METTL8: variants seen among roughly 807,000 people sequenced by gnomAD.
The protein encoded by METTL8 is methyltransferase 8, tRNA N3-cytidine, also known as tRNA N(3)-cytidine methyltransferase METTL8, mitochondrial.
In METTL8, 32 loss-of-function variants were observed where a neutral mutation model predicts 48.7. The observed-to-expected ratio is 0.66, with a 90% CI of 0.50 to 0.88. The LOEUF is 0.88. Among genes scored for constraint, METTL8 ranks in the 40% least tolerant of loss-of-function variants. The probability of loss-of-function intolerance (pLI) is 0.00; values close to 1 mark genes in which losing one functional copy is unlikely to be tolerated. For missense variants in METTL8, 464 were observed against 474.4 expected, an observed-to-expected ratio of 0.98 and a Z score of 0.20; for synonymous variants, 136 against 157.1, an observed-to-expected ratio of 0.87 and a Z score of 1.01.
chr2:171,318,249 A>G lies in METTL8; in HGVS notation c.*5923T>C, dbSNP rs574834132. The G allele has an allele frequency of 3.9e-5, 6 of 152,346 alleles. No homozygotes were observed. In the East Asian group the frequency reaches 1.2e-3, roughly 29 times the overall value. 9.4% of individuals were successfully genotyped at this position (152,346 alleles called of 1,614,324 possible). A position where few individuals can be genotyped will look rare whatever the true frequency, so the allele number is the denominator to read the frequency against. ...GTACCTTTGCGCCTCTCAAATCCCC[A>G]ACCATATTCCAAGAAACCGTATTCC... On this transcript the variant is annotated 3_prime_UTR_variant, in exon 10 of 10. Coordinates refer to ENST00000375258, the MANE Select transcript of METTL8 (RefSeq NM_001321154.2).
intron 3 of METTL8, among the ~76,000 whole-genome samples, chr2:171,354,752 G>A (rs953505700): frequency 1.3e-5 from 2 of 151,932 alleles, no homozygotes; most frequent in Admixed American, 6.6e-5. Context: ...TGATCAAATC[G>A]GCTACTGAAG....
At chr2:171,350,001 T>C (rs992400270) in intron 3 of METTL8, among the ~76,000 whole-genome samples, 1 of 152,176 alleles carries the variant, frequency 6.6e-6, no homozygotes, top group East Asian at 1.9e-4. Flanking sequence ...CTAAGGTACA[T>C]GTGCACAACA....
intron 1 of METTL8, among the ~76,000 whole-genome samples, chr2:171,422,983 T>C (rs1481486591): frequency 2.0e-5 from 3 of 152,192 alleles, no homozygotes; most frequent in Admixed American, 6.5e-5. Context: ...TCTCCACATG[T>C]TGTGGGAGGG....
At chr2:171,325,665 T>C (rs1684874277) in intron 9 of METTL8, among the ~76,000 whole-genome samples, 176 bp downstream of exon 9, 1 of 152,160 alleles carries the variant, frequency 6.6e-6, no homozygotes, top group Admixed American at 6.5e-5. Flanking sequence ...GATTAAACAG[T>C]AAACGGCCAT....
In METTL8 at chr2:171,322,044, C is replaced by G. The variant is rs1016981029; in HGVS notation, c.*2128G>C. 5 of 150,986 alleles carry G rather than the reference C, an allele frequency of 3.3e-5. No individual in the cohort carries two copies. The highest frequency in any genetic ancestry group is 1.2e-4 in the African/African-American group (5 of 41,052). 9.4% of individuals were successfully genotyped at this position (150,986 alleles called of 1,614,324 possible). A position where few individuals can be genotyped will look rare whatever the true frequency, so the allele number is the denominator to read the frequency against. On this transcript the variant is annotated 3_prime_UTR_variant, in exon 10 of 10. Coordinates refer to ENST00000375258, the MANE Select transcript of METTL8 (RefSeq NM_001321154.2). ...GTGGTGTCATCTCGGCTCACTGCAA[C>G]CTCTGCCTCCCGGGTTCAAGTGATT... is the stretch of plus-strand genomic sequence containing the variant.
chr2:171,340,498 C>CA (rs760579218), intron 3 of METTL8, among the ~76,000 whole-genome samples: 3,227 of 42,318 alleles, frequency 0.076, 184 homozygotes, highest in African/African-American at 0.096. Context: ...TGAGTTGTCT[C>CA]AAAAAAAAAA....
intron 1 of METTL8, among the ~76,000 whole-genome samples, chr2:171,404,052 CAT>C (rs60563600): frequency 0.014 from 596 of 43,796 alleles, 4 homozygotes; most frequent in African/African-American, 0.02. Context: ...TATGCTTTCT[CAT>C]ATATATATAT....
In METTL8 at chr2:171,370,943, G is replaced by T. The variant is rs143114902; in HGVS notation, c.144-10430C>A. On this transcript the variant is annotated intron_variant, in intron 2 of 9. Transcript: ENST00000375258. ...CTGCTCCTGACTAGAGTGCTGGGCA[G>T]GTGGACATATTACACTTCGTAAATA... Among the ~76,000 whole-genome samples, 213 of 152,178 alleles carry T rather than the reference G, an allele frequency of 1.4e-3. 4 individuals are homozygous for T. In the East Asian group the frequency reaches 0.015, roughly 10 times the overall value.
intron 2 of METTL8, among the ~76,000 whole-genome samples, chr2:171,382,215 A>G (rs1241973377): frequency 6.6e-6 from 1 of 152,166 alleles, no homozygotes; most frequent in African/African-American, 2.4e-5. Context: ...TATATACCCA[A>G]AGGAATATAA....
At chr2:171,371,826 GTTA>G (rs1393055204) in intron 2 of METTL8, among the ~76,000 whole-genome samples, 1 of 123,928 alleles carries the variant, frequency 8.1e-6, no homozygotes, top group Non-Finnish European at 1.6e-5. Flanking sequence ...TTACATTATT[GTTA>G]TTATTACTAT....
chr2:171,327,526 GAA>G (rs1313777777), intron 7 of METTL8, among the ~76,000 whole-genome samples: 1 of 152,188 alleles, frequency 6.6e-6, no homozygotes, highest in East Asian at 1.9e-4. Context: ...TGAAAAAAAT[GAA>G]AAGTTTGAAT....
chr2:171,320,425 A>C lies in METTL8; in HGVS notation c.*3747T>G, dbSNP rs1684471010. ...ACACGAAGCCGAATTTTACTGTGCC[A>C]GTCAAGAGGCTGGCTTGAATCCGCT... On this transcript the variant is annotated 3_prime_UTR_variant, in exon 10 of 10. Transcript: ENST00000375258. The C allele has an allele frequency of 6.6e-6, 1 of 152,230 alleles. No individual in the cohort carries two copies. Among genetic ancestry groups the C allele is most frequent in the South Asian group, 2.1e-4 (1 of 4,832 alleles). The allele number at this position is 152,230 out of a possible 1,614,324, so 9.4% of individuals were successfully genotyped here. A position where few individuals can be genotyped will look rare whatever the true frequency, so the allele number is the denominator to read the frequency against.
Position 171,371,709 on chromosome 2 carries a change from A to G in METTL8, c.144-11196T>C, listed in dbSNP as rs191402406. On this transcript the variant is annotated intron_variant, in intron 2 of 9. Transcript: ENST00000375258. ...TTTTTAGCCTCTGGAAAAACCTCTGACAGCCTCAAACTCCTGAGTTCAAGC... is the reference window on the plus strand; with the variant it reads ...TTTTTAGCCTCTGGAAAAACCTCTGGCAGCCTCAAACTCCTGAGTTCAAGC... 7.9e-4 allele frequency among the ~76,000 whole-genome samples: 120 copies of G among 151,428 alleles called. 1 individual carries two copies. The highest frequency in any genetic ancestry group is 1.7e-3 in the Admixed American group (26 of 15,212).
chr2:171,409,243 T>C (rs1258273003), intron 1 of METTL8, among the ~76,000 whole-genome samples: 5 of 152,138 alleles, frequency 3.3e-5, no homozygotes, highest in Non-Finnish European at 7.3e-5. Flanking sequence ...GTTCGTAAAA[T>C]TGAGAGAATT....
intron 3 of METTL8, among the ~76,000 whole-genome samples, chr2:171,352,964 C>A (rs778119201): frequency 1.3e-5 from 2 of 151,588 alleles, no homozygotes; most frequent in Non-Finnish European, 2.9e-5. Context: ...GTGTCTCTAT[C>A]TCCTTCAGTT....
At chr2:171,411,039 AC>A (rs1442768392) in intron 1 of METTL8, among the ~76,000 whole-genome samples, 1 of 152,216 alleles carries the variant, frequency 6.6e-6, no homozygotes, top group Non-Finnish European at 1.5e-5. Flanking sequence ...AGATCCCTCT[AC>A]AAATTCAACA....
chr2:171,372,298 T>A (rs11677795), intron 2 of METTL8, among the ~76,000 whole-genome samples: 31,539 of 151,498 alleles, frequency 0.21, 3,524 homozygotes, highest in Non-Finnish European at 0.25. Context: ...ATTTTTTTTT[T>A]AAATTAAAAC....
At chr2:171,414,581 A>C (rs1377868296) in intron 1 of METTL8, 1 of 152,108 alleles carries the variant, frequency 6.6e-6, no homozygotes, top group Non-Finnish European at 1.5e-5. Context: ...TTAAAAAATT[A>C]GCTGGGCATG....
intron 2 of METTL8, chr2:171,375,335 T>C: frequency 1.4e-6 from 1 of 700,656 alleles, no homozygotes; most frequent in Non-Finnish European, 2.6e-6. Flanking sequence ...GCCAAGTTCC[T>C]CGTTAGCATA....
Sources: allele counts gnomAD v4.1 joint callset (sites outside exome capture counted in the v4.1 genomes callset), GRCh38; gene constraint gnomAD v4.1.1; transcripts MANE v1.5; gene names NCBI Gene and HGNC (gene_info 2026-07-23, HGNC 2026-07-21).